ATP1B4: variants seen among roughly 807,000 people sequenced by gnomAD.
The protein encoded by ATP1B4 is ATPase Na+/K+ transporting family member beta 4.
In ATP1B4, 32 loss-of-function variants were observed where a neutral mutation model predicts 29.6. The ratio of observed to expected loss-of-function variants is 1.08; its 90% CI spans 0.82 to 1.45. The LOEUF (loss-of-function observed/expected upper bound fraction) is 1.45. Ranked by LOEUF, ATP1B4 falls within the 40% of genes most tolerant of loss-of-function variation. ATP1B4 has a pLI of 0.00. For missense variants in ATP1B4, 323 were observed against 276.2 expected (o/e 1.17, Z -1.20); for synonymous variants, 127 against 102.1 (o/e 1.24, Z -1.47).
chrX:120,375,016 C>G (rs773236341), intron 4 of ATP1B4, among the ~76,000 whole-genome samples: 5 of 105,837 alleles, frequency 4.7e-5, no homozygotes, highest in Non-Finnish European at 9.7e-5. Flanking sequence ...AAGGGACAGC[C>G]TTCCAAGTTT....
chrX:120,366,657 G>A lies in ATP1B4; in HGVS notation c.196G>A (p.Glu66Lys), dbSNP rs1329358329. ...EEEEKEEEEE[E>K]EKEEEEGQGQ... ...GGAGGAGAAAGAAGAGGAGGAAGAG[G>A]AGGAAAAGGAGGAGGAAGAGGGTCA... Residue 66 changes from glutamate (E) to lysine (K), a missense_variant, in exon 2 of 8, where the codon GAG becomes AAG. Transcript: ENST00000218008. 7.4e-6 allele frequency: 9 copies of A among 1,208,160 alleles called. No homozygotes were observed. The highest frequency in any genetic ancestry group is 1.0e-5 in the Non-Finnish European group (9 of 894,171).
intron 4 of ATP1B4, among the ~76,000 whole-genome samples, chrX:120,372,302 G>T (rs758057366): frequency 8.9e-5 from 10 of 112,018 alleles, no homozygotes; most frequent in African/African-American, 3.2e-4. Flanking sequence ...TTGAAGTGGG[G>T]TTGATCCATT....
chrX:120,370,566 T>C, intron 2 of ATP1B4, 149 bp from the exon 3 acceptor site: 1 of 687,208 alleles, frequency 1.5e-6, no homozygotes, highest in Non-Finnish European at 2.1e-6. Flanking sequence ...TCCAAATTGG[T>C]GAAATCTGAA....
chrX:120,371,392 T>C (rs187760302), intron 4 of ATP1B4, among the ~76,000 whole-genome samples, 182 bp downstream of exon 4: 8 of 112,093 alleles, frequency 7.1e-5, no homozygotes, highest in South Asian at 3.7e-4. Flanking sequence ...TAGTGTGTGA[T>C]TGTATGTTGT....
chrX:120,375,551 C>T lies in ATP1B4; in HGVS notation c.742C>T (p.Leu248Phe). ...FGYSTGQPCI[L>F]LKMNRIVGFR... is the part of the protein sequence containing the mutation. ...ATACTCTACTGGACAGCCCTGCATC[C>T]TTCTAAAGATGAACCGGGTATATTG... The change falls in exon 5 of 8, where the codon CTT becomes TTT. Residue 248 changes from leucine (L) to phenylalanine (F), a missense_variant. By Grantham distance (22) the Leu-to-Phe change is conservative. Transcript: ENST00000218008. 1 of 1,205,653 alleles carries T rather than the reference C, an allele frequency of 8.3e-7. No individual in the cohort carries two copies.
chrX:120,365,376 A>G (rs993041424), intron 1 of ATP1B4, among the ~76,000 whole-genome samples: 5 of 112,346 alleles, frequency 4.5e-5, no homozygotes, highest in African/African-American at 1.3e-4. Flanking sequence ...TATCACTTGT[A>G]CTGATTCTGA....
In ATP1B4 at chrX:120,375,470, C is replaced by CA; in HGVS notation, c.663dup (p.Phe222IlefsTer2). 1 of 1,210,910 alleles carries CA rather than the reference C, an allele frequency of 8.3e-7. No homozygotes were observed. The highest frequency in any genetic ancestry group is 1.1e-6 in the Non-Finnish European group (1 of 894,953). On this transcript the variant is annotated frameshift_variant, in exon 5 of 8. Transcript: ENST00000218008. LOFTEE classifies it high-confidence loss of function. ...TGAGGATGAGGACAAGAAGGCCTGCCAATTTAAGCGCTCCTTCCTAAAGAA... is the reference window on the plus strand; with the variant it reads ...TGAGGATGAGGACAAGAAGGCCTGCCAAATTTAAGCGCTCCTTCCTAAAGAA...
intron 2 of ATP1B4, among the ~76,000 whole-genome samples, chrX:120,367,672 A>G (rs2058292925): frequency 8.9e-6 from 1 of 111,757 alleles, no homozygotes. Flanking sequence ...GCCAAGGATG[A>G]AATAACAGTC....
intron 4 of ATP1B4, among the ~76,000 whole-genome samples, chrX:120,374,453 C>T (rs777390417): frequency 1.0e-5 from 1 of 97,909 alleles, no homozygotes; most frequent in Non-Finnish European, 2.0e-5. Flanking sequence ...CATATATATA[C>T]CCTTATATAT....
intron 4 of ATP1B4, among the ~76,000 whole-genome samples, chrX:120,374,378 G>A: frequency 9.5e-6 from 1 of 104,834 alleles, no homozygotes; most frequent in Non-Finnish European, 1.9e-5. Context: ...CCCCAGATTT[G>A]TAACTGCCCA....
chrX:120,374,588 A>AATAT (rs1254231107), intron 4 of ATP1B4, among the ~76,000 whole-genome samples: 2 of 48,491 alleles, frequency 4.1e-5, no homozygotes, highest in African/African-American at 7.3e-5. Flanking sequence ...TATATAATAT[A>AATAT]TATATACCCT....
intron 2 of ATP1B4, among the ~76,000 whole-genome samples, chrX:120,367,902 T>C (rs762876626): frequency 9.1e-6 from 1 of 109,920 alleles, no homozygotes; most frequent in South Asian, 4.1e-4. Flanking sequence ...AACTCTCAAC[T>C]GGAACAAATG....
chrX:120,371,158 T>G lies in ATP1B4; in HGVS notation c.510T>G (p.Ser170=). 1 of 1,211,589 alleles carries G rather than the reference T, an allele frequency of 8.3e-7. No individual in the cohort carries two copies. The highest frequency in any genetic ancestry group is 1.7e-5 in the African/African-American group (1 of 57,870). ...AHSLNFNFNV[S]EPDTWQHYVI... ...GCCTTAACTTCAACTTCAACGTTTC[T>G]GAACCCGACACTTGGCAGCATTATG... The change falls in exon 4 of 8, where the codon TCT becomes TCG. Residue 170 remains serine (S), a synonymous_variant. Transcript: ENST00000218008.
Position 120,374,762 on chromosome X carries a change from T to TTA in ATP1B4, c.563-599_563-598dup, listed in dbSNP as rs1556039737. 2.5e-3 allele frequency among the ~76,000 whole-genome samples: 59 copies of TTA among 23,603 alleles called. 10 individuals are homozygous for TTA. The highest frequency in any genetic ancestry group is 6.9e-3 in the African/African-American group (44 of 6,420). 20.5% of individuals were successfully genotyped at this position (23,603 alleles called of 115,157 possible). On this transcript the variant is annotated intron_variant, in intron 4 of 7. Transcript: ENST00000218008. ...ATATATAAGGGTGTATATATATATA[T>TTA]TATATATATATAATATATATATATT... is the stretch of plus-strand genomic sequence containing the variant.
intron 4 of ATP1B4, among the ~76,000 whole-genome samples, chrX:120,373,509 A>G (rs900202678): frequency 3.6e-5 from 4 of 112,070 alleles, no homozygotes; most frequent in African/African-American, 1.3e-4. Context: ...CCTCTGAAAT[A>G]CTGAGCTACT....
Position 120,379,500 on chromosome X carries a change from A to T in ATP1B4, c.940A>T (p.Met314Leu). Residue 314 changes from methionine (M) to leucine (L), a missense_variant, in exon 8 of 8, where the codon ATG becomes TTG. Met to Leu is a conservative substitution (Grantham distance 15, BLOSUM62 2). Transcript: ENST00000218008. ...HVNYTSPLVA[M>L]HFTDVVKNQA... ...TAACTACACATCCCCCTTGGTGGCA[A>T]TGCACTTTACAGACGTGGTGAAGAA... The T allele has an allele frequency of 8.3e-7, 1 of 1,208,614 alleles. No homozygotes were observed. The highest frequency in any genetic ancestry group is 1.1e-6 in the Non-Finnish European group (1 of 894,322).
chrX:120,379,589 T>C lies in ATP1B4; in HGVS notation c.1029T>C (p.Asp343=). 1 of 1,211,090 alleles carries C rather than the reference T, an allele frequency of 8.3e-7. No homozygotes were observed. The highest frequency in any genetic ancestry group is 1.1e-6 in the Non-Finnish European group (1 of 895,179). The change falls in exon 8 of 8, where the codon GAT becomes GAC. Residue 343 remains aspartate (D), a synonymous_variant. Coordinates refer to ENST00000218008, the MANE Select transcript of ATP1B4 (RefSeq NM_001142447.3). ...GCGTCATAAATGATGTCATCAATGA[T>C]CGTTTTGTGGGCAGGGTAATCTTTA... ...GKGVINDVIN[D]RFVGRVIFTL...
intron 6 of ATP1B4, among the ~76,000 whole-genome samples, chrX:120,377,448 A>G (rs1220637473): frequency 8.9e-6 from 1 of 112,396 alleles, no homozygotes; most frequent in Non-Finnish European, 1.9e-5. Context: ...AAATATTCAC[A>G]ACATGAGGTG....
At chrX:120,377,579 A>G (rs1166212110) in intron 6 of ATP1B4, among the ~76,000 whole-genome samples, 1 of 112,350 alleles carries the variant, frequency 8.9e-6, no homozygotes, top group African/African-American at 3.2e-5. Context: ...TTAGCATATT[A>G]ACTGGACAGA....
Sources: gnomAD v4.1 joint callset for allele counts (sites outside exome capture counted in the v4.1 genomes callset) on GRCh38, gnomAD v4.1.1 for gene constraint, MANE v1.5 for transcripts, NCBI Gene and HGNC (gene_info 2026-07-23, HGNC 2026-07-21) for gene names.